The following LHPP variants were observed in gnomAD, a reference collection of about 807,000 sequenced individuals.
The protein encoded by LHPP is hLHPP.
In LHPP, 24 loss-of-function variants were observed where a neutral mutation model predicts 30.3. The observed-to-expected ratio is 0.79, with a 90% CI of 0.57 to 1.11. The LOEUF is 1.11. Among genes scored for constraint, LHPP ranks in the 50% most tolerant of loss-of-function variants. LHPP has a pLI of 0.00. For synonymous variants in LHPP, 150 were observed against 157.1 expected (o/e 0.95, Z 0.34); for missense variants, 356 against 367.2 (o/e 0.97, Z 0.25).
chr10:124,528,556 G>A lies in LHPP; in HGVS notation c.716+11285G>A, dbSNP rs189046800. Among the ~76,000 whole-genome samples the A allele has an allele frequency of 9.0e-3, 1,366 of 152,064 alleles. 6 individuals carry two copies. Among genetic ancestry groups the A allele is most frequent in the Non-Finnish European group, 0.015 (1,007 of 67,976 alleles). ...GTATTTCCACTAGAGACGGGGTTTC[G>A]CCATGTTGGCCAGGCTGGTCTTGAA... On this transcript the variant is annotated intron_variant, in intron 6 of 6. Coordinates refer to ENST00000368842, the MANE Select transcript of LHPP (RefSeq NM_022126.4).
At chr10:124,518,092 G>T (rs1207348184) in intron 6 of LHPP, among the ~76,000 whole-genome samples, 1 of 152,162 alleles carries the variant, frequency 6.6e-6, no homozygotes, top group African/African-American at 2.4e-5. Context: ...CAGAGGGCCC[G>T]ACCGTCGCTC....
chr10:124,469,095 G>A (rs1361760485), intron 1 of LHPP, among the ~76,000 whole-genome samples: 1 of 152,164 alleles, frequency 6.6e-6, no homozygotes, highest in African/African-American at 2.4e-5. Flanking sequence ...TCATGCTGTG[G>A]CCTCCTTGAT....
chr10:124,564,702 G>A (rs1385108348), intron 6 of LHPP, among the ~76,000 whole-genome samples: 6 of 152,204 alleles, frequency 3.9e-5, no homozygotes, highest in African/African-American at 7.2e-5. Context: ...GCAGTCTCAG[G>A]GTAGGATGTT....
At chr10:124,551,870 G>T (rs1459615223) in intron 6 of LHPP, among the ~76,000 whole-genome samples, 3 of 152,236 alleles carry the variant, frequency 2.0e-5, no homozygotes, top group South Asian at 2.1e-4. Flanking sequence ...GGAGGCGCAC[G>T]CAGGATGTCC....
chr10:124,501,902 T>G (rs1319990660), intron 5 of LHPP, among the ~76,000 whole-genome samples: 2 of 151,938 alleles, frequency 1.3e-5, no homozygotes, highest in East Asian at 3.8e-4. Flanking sequence ...GTGTGTCGTT[T>G]TTATGTTTTC....
Position 124,496,947 on chromosome 10 carries a change from C to G in LHPP, c.468-14C>G. 1 of 1,611,972 alleles carries G rather than the reference C, an allele frequency of 6.2e-7. No homozygotes were observed. The highest frequency in any genetic ancestry group is 1.1e-5 in the South Asian group (1 of 90,848). On this transcript the variant is annotated splice_polypyrimidine_tract_variant and intron_variant, in intron 3 of 6. Coordinates refer to ENST00000368842, the MANE Select transcript of LHPP (RefSeq NM_022126.4). The surrounding 1 kb of genome is among the most constrained non-coding windows in gnomAD (Gnocchi z 4.3). ...CGTGCTCAGCATCCCGTGCTCCGTTCTGCTCTCTCCTAGGCGTTACTACAA... is the reference window on the plus strand; with the variant it reads ...CGTGCTCAGCATCCCGTGCTCCGTTGTGCTCTCTCCTAGGCGTTACTACAA...
intron 1 of LHPP, among the ~76,000 whole-genome samples, chr10:124,469,808 T>C (rs1207567439): frequency 1.3e-5 from 2 of 152,070 alleles, no homozygotes; most frequent in Non-Finnish European, 1.5e-5. Context: ...CAGCGTGCAC[T>C]CGGGAAGGCT....
rs140195782 is a variant in LHPP, at chr10:124,505,201, G to A, written c.624+7073G>A. Among the ~76,000 whole-genome samples the A allele has an allele frequency of 4.7e-3, 716 of 152,214 alleles. 4 individuals are homozygous for A. The highest frequency in any genetic ancestry group is 6.9e-3 in the Non-Finnish European group (468 of 68,008). On this transcript the variant is annotated intron_variant, in intron 5 of 6. Transcript: ENST00000368842. The stretch of plus-strand genomic sequence containing the variant: ...GCTCACTAACGTTATTTGACTCTCA[G>A]GATGTGTAGACATTTTAAAGCTGTA...
intron 6 of LHPP, among the ~76,000 whole-genome samples, chr10:124,573,527 T>G (rs1369428914): frequency 6.6e-6 from 1 of 152,206 alleles, no homozygotes; most frequent in Non-Finnish European, 1.5e-5. Context: ...CCCAGGCTGG[T>G]CTTGAACTCC....
rs762117571 is a variant in LHPP, at chr10:124,497,050, C to G, written c.531+26C>G. 2.4e-5 allele frequency: 39 copies of G among 1,593,782 alleles called. No individual in the cohort carries two copies. In the East Asian group the frequency reaches 7.6e-4, roughly 31 times the overall value. The stretch of plus-strand genomic sequence containing the variant: ...GTACCAGCCCTGGTTCTGTCCCAAA[C>G]TCTCTTCAGACCTCAGGGCACCTGG... On this transcript the variant is annotated intron_variant, in intron 4 of 6. Transcript: ENST00000368842.
At chr10:124,476,429 C>T (rs1003840788) in intron 1 of LHPP, among the ~76,000 whole-genome samples, 2 of 152,296 alleles carry the variant, frequency 1.3e-5, no homozygotes, top group East Asian at 1.9e-4. Context: ...GCCTTTACCT[C>T]GTCTCCTTCA....
At chr10:124,595,111 T>A (rs1453645932) in intron 6 of LHPP, among the ~76,000 whole-genome samples, 2 of 152,320 alleles carry the variant, frequency 1.3e-5, no homozygotes, top group East Asian at 3.9e-4. Flanking sequence ...CTCTTTCTGA[T>A]GGAATGAACT....
intron 3 of LHPP, among the ~76,000 whole-genome samples, chr10:124,492,664 G>T (rs750985362): frequency 6.6e-6 from 1 of 152,170 alleles, no homozygotes; most frequent in East Asian, 1.9e-4. Context: ...ACATATCTGG[G>T]CACCGTGGCC....
chr10:124,553,987 C>A, intron 6 of LHPP: 3 of 985,442 alleles, frequency 3.0e-6, no homozygotes, highest in Non-Finnish European at 3.6e-6. Context: ...ACTGGGCGCT[C>A]CTGTGGACAG....
At chr10:124,463,175 T>C (rs1952454867) in intron 1 of LHPP, among the ~76,000 whole-genome samples, 1 of 152,168 alleles carries the variant, frequency 6.6e-6, no homozygotes, top group South Asian at 2.1e-4. Context: ...GTTGATAATA[T>C]TTTTAATATA....
intron 1 of LHPP, among the ~76,000 whole-genome samples, chr10:124,481,570 A>G (rs887910216): frequency 4.6e-5 from 7 of 151,606 alleles, no homozygotes; most frequent in African/African-American, 1.7e-4. Flanking sequence ...TAGTACAGAC[A>G]GGATTTCTCC....
At chr10:124,539,948 G>C (rs558456062) in intron 6 of LHPP, among the ~76,000 whole-genome samples, 2 of 152,160 alleles carry the variant, frequency 1.3e-5, no homozygotes, top group East Asian at 3.9e-4. Flanking sequence ...CCTACGGCTG[G>C]GGAGACCAGA....
chr10:124,461,869 C>G lies in LHPP; in HGVS notation c.7C>G (p.Pro3Ala). MA[P>A]WGKRLAGVRG... Reference sequence around the variant, plus strand: ...AGGAGCAGGGCCGGGCGCCATGGCACCGTGGGGCAAGCGGCTGGCTGGCGT... The same window carrying G: ...AGGAGCAGGGCCGGGCGCCATGGCAGCGTGGGGCAAGCGGCTGGCTGGCGT... The change falls in exon 1 of 7, where the codon CCG (proline) becomes GCG (alanine). Residue 3 changes from proline (P) to alanine (A), a missense_variant. By Grantham distance (27) the Pro-to-Ala change is conservative. Transcript: ENST00000368842. 8.0e-7 allele frequency: 1 copy of G among 1,254,978 alleles called. No homozygotes were observed. Among genetic ancestry groups the G allele is most frequent in the Non-Finnish European group, 1.0e-6 (1 of 996,614 alleles). The allele number at this position is 1,254,978 out of a possible 1,614,324, so 77.7% of individuals were successfully genotyped here.
At chr10:124,613,079 C>T (rs966312187) in intron 6 of LHPP, 185 bp from the exon 7 acceptor site, 15 of 620,572 alleles carry the variant, frequency 2.4e-5, no homozygotes, top group Non-Finnish European at 4.4e-5. Flanking sequence ...TCAGGAGGGG[C>T]CATGTGTGCC....
Sources: allele counts gnomAD v4.1 joint callset (sites outside exome capture counted in the v4.1 genomes callset), GRCh38; gene constraint gnomAD v4.1.1; non-coding constraint Gnocchi (gnomAD v3.1); transcripts MANE v1.5; gene names NCBI Gene and HGNC (gene_info 2026-07-23, HGNC 2026-07-21).